The following LCN10 variants were observed in gnomAD, a reference collection of about 807,000 sequenced individuals.
LCN10 encodes the protein lipocalin 10.
LCN10 carries 18 observed loss-of-function variants against 25.1 expected under a neutral mutation model. The ratio of observed to expected loss-of-function variants is 0.72; its 90% CI spans 0.50 to 1.06. The LOEUF (loss-of-function observed/expected upper bound fraction) is 1.06, where lower values mean the gene tolerates loss of function less well. Ranked by LOEUF, LCN10 falls within the 50% of genes least tolerant of loss-of-function variation. The pLI is 0.00. For missense variants in LCN10, 257 were observed against 258.9 expected, an observed-to-expected ratio of 0.99 and a Z score of 0.05; for synonymous variants, 130 against 116.7, an observed-to-expected ratio of 1.11 and a Z score of -0.73.
chr9:136,741,605 C>T (rs1371741093), intron 2 of LCN10: 5 of 608,374 alleles, frequency 8.2e-6, no homozygotes, highest in Non-Finnish European at 1.4e-5. Context: ...ACTCCCAACA[C>T]CCACCCGTGT....
rs1299643955 is a variant in LCN10 at position 136,741,341 on chromosome 9, T to C, written c.278A>G (p.Gln93Arg). The C allele has an allele frequency of 2.5e-6, 4 of 1,612,600 alleles. No homozygotes were observed. The highest frequency in any genetic ancestry group is 1.7e-5 in the Admixed American group (1 of 60,010). ...AFRRLKGCQSQEVILRKDGKK... is the reference protein window; with the variant it reads ...AFRRLKGCQSREVILRKDGKK... ...CCCGTCTTTCCTCAGGATCACCTCC[T>C]GGGACTGGCACCCCTTCAACCTGGG... The change falls in exon 3 of 6, where the codon CAG becomes CGG. Residue 93 changes from glutamine to arginine, a missense_variant. Physicochemically the swap from Gln to Arg is conservative, Grantham distance 43 (BLOSUM62 1). Coordinates refer to ENST00000497771, the MANE Select transcript of LCN10 (RefSeq NM_001001712.3).
chr9:136,740,545 C>T lies in LCN10; in HGVS notation c.475+291G>A, dbSNP rs1364928244. The T allele has an allele frequency of 4.0e-6, 2 of 506,288 alleles. No individual in the cohort carries two copies. The highest frequency in any genetic ancestry group is 7.1e-6 in the Non-Finnish European group (2 of 282,416). The allele number at this position is 506,288 out of a possible 1,614,324, so 31.4% of individuals were successfully genotyped here. A position where few individuals can be genotyped will look rare whatever the true frequency, so the allele number is the denominator to read the frequency against. ...ACGCCTCCTCATCCCCACTGTGTCC[C>T]TCACCCAGAACGTTGCACCTGCACC... On this transcript the variant is annotated intron_variant, in intron 4 of 5. Transcript: ENST00000497771. The surrounding 1 kb of genome is among the most constrained non-coding windows in gnomAD (Gnocchi z 5.3).
Position 136,740,818 on chromosome 9 carries a change from T to A in LCN10, c.475+18A>T. 6.3e-7 allele frequency: 1 copy of A among 1,593,640 alleles called. No homozygotes were observed. The highest frequency in any genetic ancestry group is 1.1e-5 in the South Asian group (1 of 90,232). On this transcript the variant is annotated intron_variant, in intron 4 of 5. Transcript: ENST00000497771. The surrounding 1 kb of genome is among the most constrained non-coding windows in gnomAD (Gnocchi z 5.3). ...GCACCCCCTCCACCATCCTCTGCCA[T>A]CCGCTGTGCCTGCTCACGGAAGAGC...
intron 2 of LCN10, 161 bp from the exon 3 acceptor site, chr9:136,741,522 C>T (rs1252278672): frequency 1.6e-5 from 10 of 621,712 alleles, no homozygotes; most frequent in Non-Finnish European, 2.5e-5. Context: ...CTATCCAACT[C>T]GTGTCAATCT....
rs1484792403 is a variant in LCN10 at position 136,739,336 on chromosome 9, G to C, written c.*189C>G. 4.8e-6 allele frequency: 3 copies of C among 627,658 alleles called. No individual in the cohort carries two copies. The highest frequency in any genetic ancestry group is 1.8e-5 in the African/African-American group (1 of 54,660). The allele number at this position is 627,658 out of a possible 1,614,324, so 38.9% of individuals were successfully genotyped here. A position where few individuals can be genotyped will look rare whatever the true frequency, so the allele number is the denominator to read the frequency against. On this transcript the variant is annotated 3_prime_UTR_variant, in exon 6 of 6. Transcript: ENST00000497771. The surrounding 1 kb of genome is among the most constrained non-coding windows in gnomAD (Gnocchi z 6.1). ...TGACATCTCGCCACCCGGTCAGCCT[G>C]TATCCTCCTTCCCCCATCTTTCTGT...
In LCN10 at chr9:136,739,692, C is replaced by T. The variant is rs955936311; in HGVS notation, c.575-139G>A. 7.0e-6 allele frequency: 6 copies of T among 853,732 alleles called. No individual in the cohort carries two copies. Among genetic ancestry groups the T allele is most frequent in the African/African-American group, 5.0e-5 (3 of 59,868 alleles). The allele number at this position is 853,732 out of a possible 1,614,324, so 52.9% of individuals were successfully genotyped here. ...CACGAGAACACAGCCATGCAGCCCC[C>T]GATCCTGCAGCCACAGCCACGGCAT... On this transcript the variant is annotated intron_variant, in intron 5 of 5. Coordinates refer to ENST00000497771, the MANE Select transcript of LCN10 (RefSeq NM_001001712.3). This position sits in a 1 kb window ranked among gnomAD's most constrained non-coding sequence, Gnocchi z 6.1.
rs1846861235 is a variant in LCN10, at chr9:136,738,480, C to A, written c.*1045G>T. On this transcript the variant is annotated 3_prime_UTR_variant, in exon 6 of 6. Transcript: ENST00000497771. The stretch of plus-strand genomic sequence containing the variant: ...CCAGAAGGAGGGGCTGACCCCTTAC[C>A]CCGTCATGGCTGAGGACTCGGGTTC... 6.6e-6 allele frequency: 1 copy of A among 152,218 alleles called. No homozygotes were observed. 9.4% of individuals were successfully genotyped at this position (152,218 alleles called of 1,614,324 possible).
At chr9:136,741,792 C>G in intron 2 of LCN10, 89 bp downstream of exon 2, 1 of 1,468,178 alleles carries the variant, frequency 6.8e-7, no homozygotes, top group Non-Finnish European at 9.1e-7. Flanking sequence ...TCCAGACAGA[C>G]AGGCTCCTCC....
In LCN10 at chr9:136,741,284, T is replaced by C. The variant is rs1846927987; in HGVS notation, c.335A>G (p.Tyr112Cys). 6.2e-7 allele frequency: 1 copy of C among 1,613,538 alleles called. No individual in the cohort carries two copies. The highest frequency in any genetic ancestry group is 8.5e-7 in the Non-Finnish European group (1 of 1,179,780). Residue 112 changes from tyrosine to cysteine, a missense_variant, in exon 3 of 6, where the codon TAC becomes TGC. Tyr to Cys is a radical substitution (Grantham distance 194, BLOSUM62 -2). Coordinates refer to ENST00000497771, the MANE Select transcript of LCN10 (RefSeq NM_001001712.3). Reference protein sequence around the residue: ...KKPVFGNACAYAAGPREGQEG... With the variant: ...KKPVFGNACACAAGPREGQEG... The stretch of plus-strand genomic sequence containing the variant: ...CTGTCCTTCCCTCGGGCCCGCCGCG[T>C]ATGCACAGGCGTTCCCAAACACCGG...
In LCN10 at chr9:136,741,894, G is replaced by A. The variant is rs1846944100; in HGVS notation, c.244C>T (p.Leu82Phe). The A allele has an allele frequency of 5.0e-6, 8 of 1,607,012 alleles. No individual in the cohort carries two copies. In the South Asian group the frequency reaches 5.6e-5, roughly 11 times the overall value. ...VNKVGQLRVL[L>F]AFRRLKGCQS... ...CTGCCCACTCACCGTCTGAAGGCGA[G>A]GAGCACGCGGAGCTGGCCCACTTTG... The change falls in exon 2 of 6, where the codon CTC (leucine) becomes TTC (phenylalanine). Residue 82 changes from leucine to phenylalanine, a missense_variant. Physicochemically the swap from Leu to Phe is conservative, Grantham distance 22. Coordinates refer to ENST00000497771, the MANE Select transcript of LCN10 (RefSeq NM_001001712.3).
chr9:136,740,589 C>G lies in LCN10; in HGVS notation c.475+247G>C. The G allele has an allele frequency of 1.8e-6, 1 of 545,420 alleles. No homozygotes were observed. The highest frequency in any genetic ancestry group is 3.3e-6 in the Non-Finnish European group (1 of 306,194). 33.8% of individuals were successfully genotyped at this position (545,420 alleles called of 1,614,324 possible). The stretch of plus-strand genomic sequence containing the variant: ...CTGCACCCGCCACCATCCTGGTGGC[C>G]TCCGCTCCCCCTGGATGGCCCACCT... On this transcript the variant is annotated intron_variant, in intron 4 of 5. Coordinates refer to ENST00000497771, the MANE Select transcript of LCN10 (RefSeq NM_001001712.3). This position sits in a 1 kb window ranked among gnomAD's most constrained non-coding sequence, Gnocchi z 5.3.
rs769968596 is a variant in LCN10 at position 136,740,106 on chromosome 9, C to T, written c.476-58G>A. ...CCAGCTCTGGCCATTTTAGGGTCTG[C>T]ACCCTGACCCCCATCCCTACCCCAG... On this transcript the variant is annotated intron_variant, in intron 4 of 5. Transcript: ENST00000497771. This position sits in a 1 kb window ranked among gnomAD's most constrained non-coding sequence, Gnocchi z 5.3. 2.9e-5 allele frequency: 32 copies of T among 1,121,966 alleles called. No homozygotes were observed. The highest frequency in any genetic ancestry group is 1.3e-5 in the South Asian group (1 of 75,420). The allele number at this position is 1,121,966 out of a possible 1,614,324, so 69.5% of individuals were successfully genotyped here. A position where few individuals can be genotyped will look rare whatever the true frequency, so the allele number is the denominator to read the frequency against.
chr9:136,739,405 A>G lies in LCN10; in HGVS notation c.*120T>C. 9.6e-7 allele frequency: 1 copy of G among 1,039,522 alleles called. No homozygotes were observed. Among genetic ancestry groups the G allele is most frequent in the Admixed American group, 2.0e-5 (1 of 48,826 alleles). The allele number at this position is 1,039,522 out of a possible 1,614,324, so 64.4% of individuals were successfully genotyped here. ...GAGCCACTTGATTTTCACACTGTCA[A>G]TGACCTAGAGTCACCAAACACCTCT... On this transcript the variant is annotated 3_prime_UTR_variant, in exon 6 of 6. Transcript: ENST00000497771. The surrounding 1 kb of genome is among the most constrained non-coding windows in gnomAD (Gnocchi z 6.1).
In LCN10 at chr9:136,741,321, C is replaced by G. The variant is rs563466548; in HGVS notation, c.298G>C (p.Asp100His). The change falls in exon 3 of 6, where the codon GAC becomes CAC. Residue 100 changes from aspartate (D) to histidine (H), a missense_variant. Coordinates refer to ENST00000497771, the MANE Select transcript of LCN10 (RefSeq NM_001001712.3). ...TTCCCAAACACCGGCTTCTTCCCGT[C>G]TTTCCTCAGGATCACCTCCTGGGAC... ...CQSQEVILRK[D>H]GKKPVFGNAC... The G allele has an allele frequency of 7.4e-6, 12 of 1,613,338 alleles. No homozygotes were observed. In the East Asian group the frequency reaches 2.5e-4, roughly 33 times the overall value.
rs1308551099 is a variant in LCN10, at chr9:136,741,365, G to A, written c.258-4C>T. ...CTGGGACTGGCACCCCTTCAACCTGGGGCCAAGGCGGGGGCTCAGGCTGCA... is the reference window on the plus strand; with the variant it reads ...CTGGGACTGGCACCCCTTCAACCTGAGGCCAAGGCGGGGGCTCAGGCTGCA... On this transcript the variant is annotated splice_polypyrimidine_tract_variant and splice_region_variant and intron_variant, in intron 2 of 5. Transcript: ENST00000497771. 5 of 1,603,388 alleles carry A rather than the reference G, an allele frequency of 3.1e-6. No individual in the cohort carries two copies. In the Admixed American group the frequency reaches 6.7e-5, roughly 21 times the overall value.
At position 136,740,727 on chromosome 9, in the gene LCN10, A is replaced by C. The variant is rs1041346769; in HGVS notation, c.475+109T>G. ...TGCCCTGACCACCGCCCCAACCCCC[A>C]CTCTCCCTGCCCGCCTCACCTCCTG... On this transcript the variant is annotated intron_variant, in intron 4 of 5. Coordinates refer to ENST00000497771, the MANE Select transcript of LCN10 (RefSeq NM_001001712.3). This position sits in a 1 kb window ranked among gnomAD's most constrained non-coding sequence, Gnocchi z 5.3. 3.8e-3 allele frequency: 1,952 copies of C among 519,792 alleles called. No homozygotes were observed. Among genetic ancestry groups the C allele is most frequent in the African/African-American group, 7.8e-3 (286 of 36,704 alleles). 32.2% of individuals were successfully genotyped at this position (519,792 alleles called of 1,614,324 possible).
intron 1 of LCN10, 195 bp downstream of exon 1, chr9:136,742,592 G>A (rs1457149379): frequency 1.3e-5 from 8 of 633,022 alleles, no homozygotes; most frequent in East Asian, 5.9e-5. Context: ...GAACCCCCTC[G>A]AGGCTCCCTG....
At chr9:136,741,764 GA>G in intron 2 of LCN10, 116 bp downstream of exon 2, 1 of 1,348,046 alleles carries the variant, frequency 7.4e-7, no homozygotes. Flanking sequence ...GAAGTGGGGG[GA>G]CGGTTCTTGT....
intron 1 of LCN10, 74 bp downstream of exon 1, chr9:136,742,713 C>T (rs901808065): frequency 5.5e-5 from 85 of 1,548,948 alleles, no homozygotes; most frequent in African/African-American, 4.5e-4. Context: ...GGGCGGCTGC[C>T]GGGAGACTGT....
Sources: allele counts gnomAD v4.1 joint callset, GRCh38; gene constraint gnomAD v4.1.1; non-coding constraint Gnocchi (gnomAD v3.1); transcripts MANE v1.5; gene names NCBI Gene and HGNC (gene_info 2026-07-23, HGNC 2026-07-21).